LNX2: variants seen among roughly 807,000 people sequenced by gnomAD.
The protein encoded by LNX2 is ligand of Numb protein X 2.
Under a neutral mutation model 66.2 loss-of-function variants are expected in LNX2, and 35 were observed. The observed-to-expected ratio is 0.53, with a 90% CI of 0.40 to 0.70. LNX2 has a LOEUF of 0.70. Ranked by LOEUF, LNX2 falls within the 30% of genes least tolerant of loss-of-function variation. The probability of loss-of-function intolerance (pLI) is 0.00; values close to 1 mark genes in which losing one functional copy is unlikely to be tolerated. For synonymous variants in LNX2, 337 were observed against 315.6 expected (o/e 1.07, Z -0.72); for missense variants, 791 against 850.8 (o/e 0.93, Z 0.87).
chr13:27,552,879 T>C (rs1336367724), intron 8 of LNX2, among the ~76,000 whole-genome samples: 3 of 152,202 alleles, frequency 2.0e-5, no homozygotes, highest in Non-Finnish European at 2.9e-5. Context: ...GGTTTTCTGA[T>C]GAAAAATGCA....
chr13:27,552,531 A>T (rs1459250666), intron 8 of LNX2, among the ~76,000 whole-genome samples: 2 of 152,246 alleles, frequency 1.3e-5, no homozygotes, highest in Non-Finnish European at 2.9e-5. Context: ...GTAAGAATCT[A>T]AACGGATTAG....
chr13:27,599,429 T>C (rs541386837), intron 1 of LNX2, among the ~76,000 whole-genome samples: 2 of 152,304 alleles, frequency 1.3e-5, no homozygotes, highest in Non-Finnish European at 1.5e-5. Context: ...ACTTGGTTTT[T>C]CCTGCCAATG....
intron 1 of LNX2, among the ~76,000 whole-genome samples, chr13:27,589,708 T>C (rs1235698047): frequency 6.6e-6 from 1 of 152,216 alleles, no homozygotes; most frequent in Non-Finnish European, 1.5e-5. Context: ...ATACTAAAGT[T>C]ATACTTTCAA....
intron 4 of LNX2, among the ~76,000 whole-genome samples, chr13:27,563,336 G>A (rs1955162202): frequency 6.6e-6 from 1 of 152,174 alleles, no homozygotes; most frequent in African/African-American, 2.4e-5. Flanking sequence ...TTAGATAAGT[G>A]ACTTTTACCT....
intron 7 of LNX2, 54 bp downstream of exon 7, chr13:27,556,182 G>A: frequency 2.0e-6 from 3 of 1,500,274 alleles, no homozygotes; most frequent in Non-Finnish European, 2.8e-6. Flanking sequence ...TTTTTTAAAT[G>A]TGCATTTAAT....
At chr13:27,577,436 A>G (rs1284244919) in intron 2 of LNX2, among the ~76,000 whole-genome samples, 1 of 152,132 alleles carries the variant, frequency 6.6e-6, no homozygotes, top group Non-Finnish European at 1.5e-5. Flanking sequence ...TTCCTGGACC[A>G]TCATCTAAAG....
chr13:27,555,450 T>G (rs967288569), intron 7 of LNX2, among the ~76,000 whole-genome samples: 2 of 152,254 alleles, frequency 1.3e-5, no homozygotes, highest in Non-Finnish European at 2.9e-5. Context: ...TTTCATTTGC[T>G]TGGTTGTATT....
intron 4 of LNX2, among the ~76,000 whole-genome samples, chr13:27,563,410 G>A (rs1566117991): frequency 6.6e-6 from 1 of 152,148 alleles, no homozygotes; most frequent in Non-Finnish European, 1.5e-5. Flanking sequence ...TTAGGTTGGT[G>A]CAAAAGTAAT....
At chr13:27,561,565 T>C (rs1644314566) in intron 5 of LNX2, among the ~76,000 whole-genome samples, 1 of 152,220 alleles carries the variant, frequency 6.6e-6, no homozygotes, top group African/African-American at 2.4e-5. Context: ...CTCAATACAA[T>C]AAAGAGAGTT....
intron 2 of LNX2, among the ~76,000 whole-genome samples, chr13:27,571,012 C>G (rs970022395): frequency 1.2e-4 from 18 of 152,120 alleles, no homozygotes; most frequent in Non-Finnish European, 8.8e-5. Flanking sequence ...TACTTACAGT[C>G]CCAGTGAGAC....
chr13:27,610,602 C>T (rs1955762083), intron 1 of LNX2, among the ~76,000 whole-genome samples: 1 of 152,144 alleles, frequency 6.6e-6, no homozygotes, highest in Non-Finnish European at 1.5e-5. Flanking sequence ...GCAAGGATTT[C>T]TTGGATATGA....
intron 2 of LNX2, among the ~76,000 whole-genome samples, chr13:27,580,112 T>C (rs1955381298): frequency 1.3e-5 from 2 of 152,116 alleles, no homozygotes; most frequent in African/African-American, 2.4e-5. Context: ...CAACAATATA[T>C]TGATACAAAA....
intron 4 of LNX2, among the ~76,000 whole-genome samples, chr13:27,563,365 T>C (rs1000158272): frequency 2.0e-5 from 3 of 152,224 alleles, no homozygotes; most frequent in Non-Finnish European, 4.4e-5. Flanking sequence ...ACCAGGTTAA[T>C]TGTAATTTCA....
chr13:27,583,208 G>GCGCGCGCGTCCTCTCCAATATAACTT (rs751207599), intron 1 of LNX2, among the ~76,000 whole-genome samples: 1 of 18,078 alleles, frequency 5.5e-5, no homozygotes, highest in Non-Finnish European at 9.6e-5. Flanking sequence ...GTGTGTGTGT[G>GCGCGCGCGTCCTCTCCAATATAACTT]TGTGTGTGTG....
At chr13:27,555,547 A>C (rs1955049728) in intron 7 of LNX2, among the ~76,000 whole-genome samples, 1 of 152,182 alleles carries the variant, frequency 6.6e-6, no homozygotes, top group African/African-American at 2.4e-5. Context: ...ATATCTAAGA[A>C]ACTACTGCCT....
In LNX2 at chr13:27,567,932, T is replaced by C. The variant is rs556996162; in HGVS notation, c.656-93A>G. Reference sequence around the variant, plus strand: ...TTCTGATTATCTTCAGGTAAGTATGTCACATTAATACATGATTAACAGCTA... The same window carrying C: ...TTCTGATTATCTTCAGGTAAGTATGCCACATTAATACATGATTAACAGCTA... On this transcript the variant is annotated intron_variant, in intron 3 of 9. Transcript: ENST00000316334. 113 of 967,778 alleles carry C rather than the reference T, an allele frequency of 1.2e-4. No individual in the cohort carries two copies. In the African/African-American group the frequency reaches 1.6e-3, roughly 14 times the overall value. 59.9% of individuals were successfully genotyped at this position (967,778 alleles called of 1,614,324 possible).
Position 27,581,761 on chromosome 13 carries a change from T to G in LNX2, c.-58A>C. The stretch of plus-strand genomic sequence containing the variant: ...CTTCCACTTCACGCTTGGTTTCCTT[T>G]AACAGACAGTGATGTATCTGACTAA... On this transcript the variant is annotated 5_prime_UTR_variant, in exon 2 of 10. Transcript: ENST00000316334. 1 of 1,435,968 alleles carries G rather than the reference T, an allele frequency of 7.0e-7. No homozygotes were observed. Among genetic ancestry groups the G allele is most frequent in the Non-Finnish European group, 9.4e-7 (1 of 1,059,282 alleles). 89.0% of individuals were successfully genotyped at this position (1,435,968 alleles called of 1,614,324 possible).
At chr13:27,601,460 G>A (rs1955657736) in intron 1 of LNX2, among the ~76,000 whole-genome samples, 1 of 152,094 alleles carries the variant, frequency 6.6e-6, no homozygotes, top group South Asian at 2.1e-4. Flanking sequence ...CCCAAAGAAA[G>A]ACAACTGCAT....
In LNX2 at chr13:27,562,502, C is replaced by G. The variant is rs367873891; in HGVS notation, c.1135G>C (p.Gly379Arg). Residue 379 changes from glycine to arginine, a missense_variant, in exon 5 of 10, where the codon GGC (glycine) becomes CGC (arginine). Gly to Arg is a moderately radical substitution (Grantham distance 125). Coordinates refer to ENST00000316334, the MANE Select transcript of LNX2 (RefSeq NM_153371.4). ...LLEGGLAAQD[G>R]RLSSNDRVLA... ...ACTCGGTCATTGCTGCTTAGCCTGC[C>G]GTCCTGGGCAGCCAACCCCCCTTCC... 6.2e-7 allele frequency: 1 copy of G among 1,614,028 alleles called. No individual in the cohort carries two copies. Among genetic ancestry groups the G allele is most frequent in the African/African-American group, 1.3e-5 (1 of 74,922 alleles).
Sources: gnomAD v4.1 joint callset for allele counts (sites outside exome capture counted in the v4.1 genomes callset) on GRCh38, gnomAD v4.1.1 for gene constraint, MANE v1.5 for transcripts, NCBI Gene and HGNC (gene_info 2026-07-23, HGNC 2026-07-21) for gene names.